The following COL19A1 variants were observed in gnomAD, a reference collection of about 807,000 sequenced individuals.
COL19A1 encodes the protein collagen type XIX alpha 1 chain.
Under a neutral mutation model 190.2 loss-of-function variants are expected in COL19A1, and 159 were observed. The observed-to-expected ratio is 0.84, with a 90% CI of 0.73 to 0.95. The LOEUF (loss-of-function observed/expected upper bound fraction) is 0.95. Ranked by LOEUF, COL19A1 falls within the 40% of genes least tolerant of loss-of-function variation. The probability of loss-of-function intolerance (pLI) is 0.00; values close to 1 mark genes in which losing one functional copy is unlikely to be tolerated. For missense variants in COL19A1, 1,418 were observed against 1,431.9 expected (o/e 0.99, Z 0.16); for synonymous variants, 509 against 458.9 (o/e 1.11, Z -1.39).
chr6:70,016,390 G>GAAAAAAAAAAAAAAAAAAAAACAAAT (rs1399901785), intron 11 of COL19A1, among the ~76,000 whole-genome samples: 1 of 95,714 alleles, frequency 1.0e-5, no homozygotes, highest in Non-Finnish European at 1.9e-5. Context: ...AAAAACACAT[G>GAAAAAAAAAAAAAAAAAAAAACAAAT]AAAAAAAAAA....
chr6:69,907,221 C>G (rs900509496), intron 4 of COL19A1, among the ~76,000 whole-genome samples: 2 of 151,450 alleles, frequency 1.3e-5, no homozygotes, highest in African/African-American at 4.9e-5. Context: ...CCTCCACCTC[C>G]CGGTTTCAAA....
chr6:70,128,334 G>A (rs79121649), intron 17 of COL19A1, among the ~76,000 whole-genome samples: 5,860 of 152,256 alleles, frequency 0.038, 151 homozygotes, highest in Non-Finnish European at 0.06. Flanking sequence ...GTAAATAAGA[G>A]TGCTGGGGAG....
chr6:69,921,336 C>CA (rs1771782989), intron 4 of COL19A1, among the ~76,000 whole-genome samples: 1 of 103,716 alleles, frequency 9.6e-6, no homozygotes, highest in African/African-American at 4.2e-5. Context: ...TATCATATAT[C>CA]TATATATATC....
chr6:70,071,121 T>C (rs962139303), intron 15 of COL19A1, among the ~76,000 whole-genome samples: 3 of 152,160 alleles, frequency 2.0e-5, no homozygotes, highest in African/African-American at 7.2e-5. Flanking sequence ...GCTACTACTC[T>C]ACCAATATCT....
At chr6:70,055,541 G>A (rs904307606) in intron 14 of COL19A1, among the ~76,000 whole-genome samples, 1 of 151,920 alleles carries the variant, frequency 6.6e-6, no homozygotes, top group East Asian at 1.9e-4. Flanking sequence ...CAGCACCTTG[G>A]GGGGCTGAGG....
At chr6:69,970,157 T>A (rs188149019) in intron 11 of COL19A1, among the ~76,000 whole-genome samples, 2 of 152,284 alleles carry the variant, frequency 1.3e-5, no homozygotes, top group African/African-American at 2.4e-5. Context: ...TTATAATAAA[T>A]CTAACACAAA....
At chr6:69,922,229 A>G (rs1205249566) in intron 4 of COL19A1, among the ~76,000 whole-genome samples, 1 of 151,960 alleles carries the variant, frequency 6.6e-6, no homozygotes, top group East Asian at 1.9e-4. Flanking sequence ...TTGAAAGCAC[A>G]ATATAAATTT....
rs138251400 is a variant in COL19A1, at chr6:70,100,639, C to T, written c.1225-1530C>T. ...TCCAGAGTGGCTGGGATTACAGGCACATACCACCATGCCTGGCTAATTTTT... is the reference window on the plus strand; with the variant it reads ...TCCAGAGTGGCTGGGATTACAGGCATATACCACCATGCCTGGCTAATTTTT... On this transcript the variant is annotated intron_variant, in intron 15 of 50. Transcript: ENST00000620364. Among the ~76,000 whole-genome samples the T allele has an allele frequency of 2.6e-4, 39 of 150,196 alleles. No homozygotes were observed. The East Asian group carries it at 6.9e-3, about 27-fold the overall frequency.
Position 70,144,913 on chromosome 6 carries a change from T to G in COL19A1, c.1681-5T>G. 6.4e-7 allele frequency: 1 copy of G among 1,555,588 alleles called. No homozygotes were observed. The highest frequency in any genetic ancestry group is 2.4e-5 in the East Asian group (1 of 42,536). ...AAAGTAAGAATCTTACCTTGTTTTC[T>G]ACAGGGAGATCCGGGTGGGATCATA... On this transcript the variant is annotated splice_polypyrimidine_tract_variant and splice_region_variant and intron_variant, in intron 24 of 50. Transcript: ENST00000620364.
In COL19A1 at chr6:70,191,199, A is replaced by G. The variant is rs537349971; in HGVS notation, c.3094+818A>G. Among the ~76,000 whole-genome samples, 134 of 152,330 alleles carry G rather than the reference A, an allele frequency of 8.8e-4. 1 individual carries two copies. The highest frequency in any genetic ancestry group is 1.7e-3 in the South Asian group (8 of 4,826). ...GATGTATTGCTTTTTGGAAAAAAGC[A>G]TCCATATTATTCTGTTGATTCATTA... On this transcript the variant is annotated intron_variant, in intron 48 of 50. Transcript: ENST00000620364.
rs1302158332 is a variant in COL19A1 at position 70,151,419 on chromosome 6, ACATCGGTGCTTTGCT to A, written c.2063_2077del (p.Ile688_Leu692del). On this transcript the variant is annotated inframe_deletion, in exon 31 of 51. Transcript: ENST00000620364. The stretch of plus-strand genomic sequence containing the variant: ...CAGATTGCACTTCCTCTCTTGGGAG[ACATCGGTGCTTTGCT>A]CAAGGTACTCTATTGCTATGTAAGA... 4 of 1,612,764 alleles carry A rather than the reference ACATCGGTGCTTTGCT, an allele frequency of 2.5e-6. No homozygotes were observed. In the African/African-American group the frequency reaches 5.3e-5, roughly 22 times the overall value.
chr6:70,157,770 T>C (rs1787532662), intron 34 of COL19A1, among the ~76,000 whole-genome samples: 1 of 152,124 alleles, frequency 6.6e-6, no homozygotes, highest in Admixed American at 6.6e-5. Context: ...ACAAGCACAA[T>C]AACTGATTTT....
intron 11 of COL19A1, among the ~76,000 whole-genome samples, chr6:69,972,723 T>C (rs1314612441): frequency 1.3e-5 from 2 of 152,174 alleles, no homozygotes; most frequent in East Asian, 3.8e-4. Flanking sequence ...TGCTAAAATT[T>C]ACACAGGAAA....
At chr6:69,884,394 T>C (rs1289185525) in intron 2 of COL19A1, among the ~76,000 whole-genome samples, 1 of 149,718 alleles carries the variant, frequency 6.7e-6, no homozygotes, top group Non-Finnish European at 1.5e-5. Flanking sequence ...TAACAAAAGA[T>C]GTGATGTTAT....
chr6:69,870,540 G>T (rs1767763325), intron 1 of COL19A1, among the ~76,000 whole-genome samples: 1 of 152,216 alleles, frequency 6.6e-6, no homozygotes, highest in Non-Finnish European at 1.5e-5. Context: ...CCTGTGAATT[G>T]TTAATAATTT....
At chr6:70,178,079 A>G (rs921683682) in intron 42 of COL19A1, among the ~76,000 whole-genome samples, 7 of 152,326 alleles carry the variant, frequency 4.6e-5, no homozygotes, top group South Asian at 2.1e-4. Context: ...AGCAGTTTTC[A>G]TATGTCATAA....
At chr6:70,009,182 G>T (rs1390829009) in intron 11 of COL19A1, among the ~76,000 whole-genome samples, 1 of 151,874 alleles carries the variant, frequency 6.6e-6, no homozygotes, top group African/African-American at 2.4e-5. Flanking sequence ...AGCCATTAAA[G>T]ACATATAAAA....
At chr6:69,950,620 G>T (rs922275752) in intron 9 of COL19A1, among the ~76,000 whole-genome samples, 1 of 149,624 alleles carries the variant, frequency 6.7e-6, no homozygotes, top group African/African-American at 2.5e-5. Flanking sequence ...AAACTGGATG[G>T]TTCCATTTCC....
intron 2 of COL19A1, among the ~76,000 whole-genome samples, chr6:69,885,749 T>C (rs897242824): frequency 1.3e-5 from 2 of 152,224 alleles, no homozygotes; most frequent in African/African-American, 2.4e-5. Context: ...TGTGTCTGGC[T>C]TATTTTACTT....
Sources: gnomAD v4.1 joint callset for allele counts (sites outside exome capture counted in the v4.1 genomes callset) on GRCh38, gnomAD v4.1.1 for gene constraint, MANE v1.5 for transcripts, NCBI Gene and HGNC (gene_info 2026-07-23, HGNC 2026-07-21) for gene names.